LIN54: variants seen among roughly 807,000 people sequenced by gnomAD.
LIN54 encodes the protein lin-54 DREAM MuvB core complex component.
LIN54 carries 9 observed loss-of-function variants against 78.7 expected under a neutral mutation model. The observed-to-expected ratio is 0.11, with a 90% CI of 0.07 to 0.20. The LOEUF (loss-of-function observed/expected upper bound fraction) is 0.20. Among genes scored for constraint, LIN54 ranks in the 10% least tolerant of loss-of-function variants. The pLI, the probability that LIN54 is intolerant of heterozygous loss-of-function variation, is 1.00. For synonymous variants in LIN54, 269 were observed against 318.4 expected (o/e 0.84, Z 1.65); for missense variants, 573 against 889.9 (o/e 0.64, Z 4.53).
intron 5 of LIN54, among the ~76,000 whole-genome samples, chr4:82,940,711 A>C (rs1289076770): frequency 2.0e-5 from 3 of 152,192 alleles, no homozygotes; most frequent in African/African-American, 7.2e-5. Flanking sequence ...AGTGTAATTC[A>C]ATATTTACAG....
intron 1 of LIN54, among the ~76,000 whole-genome samples, chr4:83,002,089 GA>G (rs1367325952): frequency 6.6e-6 from 1 of 151,176 alleles, no homozygotes; most frequent in Non-Finnish European, 1.5e-5. Context: ...CAATGAGAAA[GA>G]AGATGTAGAA....
In LIN54 at chr4:82,984,167, T is replaced by C; in HGVS notation, c.678A>G (p.Thr226=). 1 of 1,597,814 alleles carries C rather than the reference T, an allele frequency of 6.3e-7. No individual in the cohort carries two copies. Among genetic ancestry groups the C allele is most frequent in the Non-Finnish European group, 8.5e-7 (1 of 1,173,906 alleles). Residue 226 remains threonine, a synonymous_variant, in exon 2 of 13, where the codon ACA becomes ACG. Transcript: ENST00000340417. ...GCCCCCTTTTTTCTTTTACCTGTACTGTTTTTAACTGTTGGGTCTGTAACA... is the reference window on the plus strand; with the variant it reads ...GCCCCCTTTTTTCTTTTACCTGTACCGTTTTTAACTGTTGGGTCTGTAACA... ...PSVLQTQQLK[T]VQIAKKPRTP...
At chr4:82,962,074 G>C (rs1242319635) in intron 4 of LIN54, among the ~76,000 whole-genome samples, 1 of 152,094 alleles carries the variant, frequency 6.6e-6, no homozygotes, top group Admixed American at 6.6e-5. Context: ...GAAAGAAAGA[G>C]CTCTCTAGGA....
At chr4:82,984,925 T>A in intron 1 of LIN54, 49 bp from the exon 2 acceptor site, 1 of 1,353,932 alleles carries the variant, frequency 7.4e-7, no homozygotes, top group Non-Finnish European at 1.0e-6. Flanking sequence ...TCAAAAGATG[T>A]AAGAAAAAAA....
At chr4:82,977,626 C>T (rs114677707) in intron 3 of LIN54, among the ~76,000 whole-genome samples, 1,579 of 152,228 alleles carry the variant, frequency 0.01, 24 homozygotes, top group African/African-American at 0.03. Flanking sequence ...AGTTGCCTAC[C>T]GCTATGTTGT....
intron 11 of LIN54, among the ~76,000 whole-genome samples, chr4:82,933,453 C>T (rs1722135868): frequency 6.6e-6 from 1 of 151,282 alleles, no homozygotes; most frequent in East Asian, 1.9e-4. Flanking sequence ...GGTGGGTAGC[C>T]ATTCATCCAA....
intron 11 of LIN54, among the ~76,000 whole-genome samples, chr4:82,934,605 C>T (rs1722239168): frequency 6.6e-6 from 1 of 152,192 alleles, no homozygotes; most frequent in African/African-American, 2.4e-5. Context: ...CAAAATCTTT[C>T]ATATGACACA....
At chr4:82,972,356 T>C (rs1725735238) in intron 3 of LIN54, among the ~76,000 whole-genome samples, 2 of 152,330 alleles carry the variant, frequency 1.3e-5, no homozygotes, top group South Asian at 4.1e-4. Flanking sequence ...TTTTCAAAAT[T>C]TCTTTGTAGT....
intron 12 of LIN54, among the ~76,000 whole-genome samples, chr4:82,928,891 T>C (rs1160007292): frequency 6.6e-6 from 1 of 152,146 alleles, no homozygotes; most frequent in Non-Finnish European, 1.5e-5. Context: ...GTACACAGAG[T>C]TGCATTCATA....
At chr4:83,006,736 A>T (rs1304410791) in intron 1 of LIN54, among the ~76,000 whole-genome samples, 2 of 152,176 alleles carry the variant, frequency 1.3e-5, no homozygotes, top group African/African-American at 4.8e-5. Context: ...CTCCCATTCT[A>T]TTTAGGTGAG....
intron 4 of LIN54, among the ~76,000 whole-genome samples, chr4:82,965,947 T>C (rs1725169258): frequency 6.6e-6 from 1 of 152,242 alleles, no homozygotes. Context: ...ATTTTCGTAA[T>C]TGACTTTTCT....
chr4:82,992,762 C>T (rs971806783), intron 1 of LIN54, among the ~76,000 whole-genome samples: 3 of 152,110 alleles, frequency 2.0e-5, no homozygotes, highest in African/African-American at 7.2e-5. Flanking sequence ...GGCGTGGTGG[C>T]TCACGCCTGT....
intron 11 of LIN54, among the ~76,000 whole-genome samples, chr4:82,934,873 C>CA (rs1335837771): frequency 2.0e-5 from 3 of 152,300 alleles, no homozygotes; most frequent in African/African-American, 7.2e-5. Flanking sequence ...GGGTTAATCT[C>CA]AATCACTAGA....
At chr4:82,928,951 G>A (rs1404833449) in intron 12 of LIN54, among the ~76,000 whole-genome samples, 1 of 152,196 alleles carries the variant, frequency 6.6e-6, no homozygotes, top group African/African-American at 2.4e-5. Context: ...CGTGAGGCTT[G>A]CTATATTTGC....
intron 4 of LIN54, among the ~76,000 whole-genome samples, chr4:82,959,959 T>G (rs1478427661): frequency 1.3e-5 from 2 of 152,218 alleles, no homozygotes; most frequent in Non-Finnish European, 2.9e-5. Context: ...AGAACTCACT[T>G]AAGTCTTCCT....
In LIN54 at chr4:83,005,356, G is replaced by T. The variant is rs1240549015; in HGVS notation, c.-33+5128C>A. On this transcript the variant is annotated intron_variant, in intron 1 of 12. Transcript: ENST00000340417. ...TATTATTAAAAAATCAAAAAACAGG[G>T]GCCGGGCACGGTGGCTCACGCCTGT... 3.3e-5 allele frequency among the ~76,000 whole-genome samples: 5 copies of T among 152,150 alleles called. No individual in the cohort carries two copies. The East Asian group carries it at 7.7e-4, about 23-fold the overall frequency.
chr4:82,979,073 C>A, intron 2 of LIN54, 67 bp from the exon 3 acceptor site: 1 of 1,264,148 alleles, frequency 7.9e-7, no homozygotes, highest in South Asian at 1.6e-5. Context: ...CAAAATTATA[C>A]CAAAGATTCA....
intron 5 of LIN54, among the ~76,000 whole-genome samples, chr4:82,941,647 T>C (rs920175292): frequency 2.0e-5 from 3 of 152,094 alleles, no homozygotes; most frequent in Non-Finnish European, 4.4e-5. Context: ...TCTGGAGTGA[T>C]CTGGAGTGAC....
intron 11 of LIN54, among the ~76,000 whole-genome samples, chr4:82,932,609 C>T (rs1470023290): frequency 5.3e-5 from 8 of 149,758 alleles, no homozygotes; most frequent in East Asian, 2.0e-4. Flanking sequence ...ACCTGAGGTC[C>T]GGAGTTCAAG....
Sources: gnomAD v4.1 joint callset for allele counts (sites outside exome capture counted in the v4.1 genomes callset) on GRCh38, gnomAD v4.1.1 for gene constraint, MANE v1.5 for transcripts, NCBI Gene and HGNC (gene_info 2026-07-23, HGNC 2026-07-21) for gene names.